Variants in ODF2 observed in about 807,000 individuals in gnomAD.
ODF2 encodes the protein outer dense fiber protein 2.
A neutral mutation model predicts 110.2 loss-of-function variants in ODF2; 47 were observed. The observed-to-expected ratio is 0.43, with a 90% CI of 0.34 to 0.54. The LOEUF is 0.54. ODF2 is among the 20% of genes least tolerant of loss of function. The pLI is 0.03. For missense variants in ODF2, 812 were observed against 1,054.5 expected, an observed-to-expected ratio of 0.77 and a Z score of 3.19; for synonymous variants, 352 against 397.7, an observed-to-expected ratio of 0.89 and a Z score of 1.37.
intron 14 of ODF2, among the ~76,000 whole-genome samples, chr9:128,489,280 T>G (rs756032350): frequency 2.0e-5 from 3 of 152,226 alleles, no homozygotes; most frequent in Non-Finnish European, 2.9e-5. Flanking sequence ...TTTTGTTTTT[T>G]CTTGTTAAGA....
rs1244538064 is a variant in ODF2 at position 128,488,037 on chromosome 9, G to C, written c.1536+12G>C. Reference sequence around the variant, plus strand: ...ATGAGAGGCTGAAGGTTCGCAGTGAGAGCTGGGGACCAGGCAGCTGGATGG... The same window carrying C: ...ATGAGAGGCTGAAGGTTCGCAGTGACAGCTGGGGACCAGGCAGCTGGATGG... On this transcript the variant is annotated intron_variant, in intron 14 of 20. Coordinates refer to ENST00000604420, the Ensembl canonical transcript of ODF2. The C allele has an allele frequency of 5.6e-6, 9 of 1,613,368 alleles. No homozygotes were observed. In the African/African-American group the frequency reaches 1.1e-4, roughly 19 times the overall value.
intron 11 of ODF2, among the ~76,000 whole-genome samples, chr9:128,484,306 A>G (rs1026046908): frequency 6.6e-6 from 1 of 152,116 alleles, no homozygotes; most frequent in African/African-American, 2.4e-5. Flanking sequence ...CTATCACTTA[A>G]TCCCCTAGGC....
At chr9:128,467,627 C>G (rs1209265600) in intron 4 of ODF2, among the ~76,000 whole-genome samples, 1 of 151,644 alleles carries the variant, frequency 6.6e-6, no homozygotes, top group East Asian at 1.9e-4. Context: ...TGCCTGTTAT[C>G]CCAGCTAGTC....
At chr9:128,464,994 C>T (rs1345673202) in intron 4 of ODF2, among the ~76,000 whole-genome samples, 1 of 152,104 alleles carries the variant, frequency 6.6e-6, no homozygotes, top group African/African-American at 2.4e-5. Flanking sequence ...TGTGCCTGGC[C>T]TCCTTGGTAG....
Position 128,473,376 on chromosome 9 carries a change from C to T in ODF2, c.712-234C>T, listed in dbSNP as rs114729696. 3.5e-3 allele frequency: 2,318 copies of T among 664,682 alleles called. 46 individuals carry two copies. The African/African-American group carries it at 0.042, about 12-fold the overall frequency. The allele number at this position is 664,682 out of a possible 1,614,324, so 41.2% of individuals were successfully genotyped here. A position where few individuals can be genotyped will look rare whatever the true frequency, so the allele number is the denominator to read the frequency against. ...CCAGGAAGTCTGCCCTGACTGTGCT[C>T]ACCCACACTGAGCCTTCCCACCCCT... On this transcript the variant is annotated intron_variant, in intron 7 of 20. Transcript: ENST00000604420.
At chr9:128,498,873 A>G in intron 19 of ODF2, 128 bp from the exon 20 acceptor site, 1 of 1,287,248 alleles carries the variant, frequency 7.8e-7, no homozygotes, top group South Asian at 1.4e-5. Flanking sequence ...CCAGCGTTCT[A>G]GAGAACACAG....
intron 16 of ODF2, among the ~76,000 whole-genome samples, chr9:128,493,091 A>T (rs1195915270): frequency 2.0e-5 from 3 of 151,590 alleles, no homozygotes; most frequent in Admixed American, 2.0e-4. Flanking sequence ...ACAACAACAA[A>T]AAAACTCTCC....
chr9:128,468,856 C>A (rs1035767194), intron 4 of ODF2: 40 of 253,462 alleles, frequency 1.6e-4, no homozygotes, highest in Middle Eastern at 1.2e-3. Flanking sequence ...GAGACAAGGT[C>A]TCGCTATGTT....
Position 128,485,683 on chromosome 9 carries a change from A to G in ODF2, c.1400+209A>G, listed in dbSNP as rs2132063951. Among the ~76,000 whole-genome samples the G allele has an allele frequency of 6.6e-6, 1 of 152,152 alleles. No individual in the cohort carries two copies. Among genetic ancestry groups the G allele is most frequent in the South Asian group, 2.1e-4 (1 of 4,818 alleles). The stretch of plus-strand genomic sequence containing the variant: ...GCTCTGGCCCTAGTCCTGGGGTCCT[A>G]CCCTACTGTCAGGCACTGGCTAGGG... On this transcript the variant is annotated intron_variant, in intron 13 of 20. Transcript: ENST00000604420. This position sits in a 1 kb window ranked among gnomAD's most constrained non-coding sequence, Gnocchi z 5.0.
intron 5 of ODF2, among the ~76,000 whole-genome samples, chr9:128,470,018 AATATATATATATATAT>A (rs769896764): frequency 0.044 from 750 of 17,010 alleles, 53 homozygotes; most frequent in Non-Finnish European, 0.06. Context: ...AAAAAAAAAA[AATATATATATATATAT>A]ATATATATAT....
At chr9:128,475,426 TAATC>T (rs1437740671) in intron 8 of ODF2, among the ~76,000 whole-genome samples, 5 of 152,212 alleles carry the variant, frequency 3.3e-5, no homozygotes, top group Non-Finnish European at 5.9e-5. Flanking sequence ...TAAGTCAAGT[TAATC>T]AACATATGCA....
intron 4 of ODF2, among the ~76,000 whole-genome samples, chr9:128,467,755 A>AT: frequency 6.6e-6 from 1 of 151,696 alleles, no homozygotes; most frequent in East Asian, 1.9e-4. Context: ...AAAAAAAAAA[A>AT]AAAAAAAGCA....
chr9:128,477,604 TTTTTTTTTTC>T (rs1841566466), intron 8 of ODF2, among the ~76,000 whole-genome samples: 2 of 148,730 alleles, frequency 1.3e-5, no homozygotes, highest in African/African-American at 2.5e-5. Flanking sequence ...ACTGCCCAGC[TTTTTTTTTTC>T]TTTTTTTTTG....
intron 18 of ODF2, 30 bp from the exon 19 acceptor site, chr9:128,498,383 C>A (rs1393215407): frequency 6.5e-7 from 1 of 1,535,478 alleles, no homozygotes; most frequent in Middle Eastern, 2.0e-4. Flanking sequence ...TTGGGGTATG[C>A]CCAGGATCTG....
intron 14 of ODF2, 145 bp downstream of exon 14, chr9:128,488,170 G>A: frequency 1.0e-6 from 1 of 970,172 alleles, no homozygotes; most frequent in South Asian, 1.6e-5. Flanking sequence ...GCTTAGGCCT[G>A]TAATCCCAAC....
chr9:128,481,664 G>A lies in ODF2; in HGVS notation c.915+13G>A, dbSNP rs762763880. ...CTCAGAGAAAGCGGTAACTAAGGCT[G>A]CCCTTGTCTACTCTAGTGGGTACAG... On this transcript the variant is annotated intron_variant, in intron 9 of 20. Transcript: ENST00000604420. The A allele has an allele frequency of 1.2e-6, 2 of 1,611,274 alleles. No homozygotes were observed. Among genetic ancestry groups the A allele is most frequent in the Non-Finnish European group, 1.7e-6 (2 of 1,177,776 alleles).
chr9:128,460,823 G>C, intron 3 of ODF2, 119 bp from the exon 4 acceptor site: 1 of 1,521,282 alleles, frequency 6.6e-7, no homozygotes, highest in South Asian at 1.2e-5. Context: ...TGTCATCCAG[G>C]AGCAACAGCA....
intron 9 of ODF2, 109 bp downstream of exon 9, chr9:128,481,760 G>C: frequency 2.5e-6 from 2 of 797,596 alleles, no homozygotes; most frequent in Non-Finnish European, 4.1e-6. Context: ...GGAGCATTTC[G>C]CTAGGTCTTA....
At chr9:128,456,155 G>T in exon 1 of ODF2, 1 of 1,549,210 alleles carries the variant, frequency 6.5e-7, no homozygotes. Context: ...CGCTGCCAGA[G>T]CCAGACTGCA....
Sources: allele counts gnomAD v4.1 joint callset (sites outside exome capture counted in the v4.1 genomes callset), GRCh38; gene constraint gnomAD v4.1.1; non-coding constraint Gnocchi (gnomAD v3.1); transcripts MANE v1.5; gene names NCBI Gene and HGNC (gene_info 2026-07-23, HGNC 2026-07-21).